CACNA2D1: variants seen among roughly 807,000 people sequenced by gnomAD.
The protein encoded by CACNA2D1 is voltage-dependent calcium channel subunit alpha-2/delta-1.
In CACNA2D1, 53 loss-of-function variants were observed where a neutral mutation model predicts 171.5. That is an observed-to-expected ratio of 0.31 (90% CI 0.25 to 0.39). The LOEUF is 0.39. Ranked by LOEUF, CACNA2D1 falls within the 10% of genes least tolerant of loss-of-function variation. The pLI is 1.00. For synonymous variants in CACNA2D1, 442 were observed against 443.1 expected, an observed-to-expected ratio of 1.00 and a Z score of 0.03; for missense variants, 903 against 1,299.8, an observed-to-expected ratio of 0.69 and a Z score of 4.69.
intron 10 of CACNA2D1, among the ~76,000 whole-genome samples, chr7:82,057,477 C>T (rs1806063157): frequency 1.3e-5 from 2 of 151,978 alleles, no homozygotes; most frequent in Admixed American, 1.3e-4. Context: ...TGCAGTGCTC[C>T]TATCAGGGTC....
At chr7:82,076,270 A>G (rs918205032) in intron 7 of CACNA2D1, among the ~76,000 whole-genome samples, 1 of 152,148 alleles carries the variant, frequency 6.6e-6, no homozygotes, top group South Asian at 2.1e-4. Context: ...GCATCCCCAC[A>G]CAACACAATT....
intron 7 of CACNA2D1, among the ~76,000 whole-genome samples, chr7:82,071,612 A>G (rs1808327682): frequency 6.6e-6 from 1 of 152,096 alleles, no homozygotes; most frequent in Non-Finnish European, 1.5e-5. Flanking sequence ...ATCTATGGGG[A>G]GGAGCTGAAT....
At position 81,950,279 on chromosome 7, in the gene CACNA2D1, C is replaced by T; in HGVS notation, c.*113G>A. 1 of 1,593,788 alleles carries T rather than the reference C, an allele frequency of 6.3e-7. No individual in the cohort carries two copies. The highest frequency in any genetic ancestry group is 1.1e-5 in the South Asian group (1 of 89,662). On this transcript the variant is annotated 3_prime_UTR_variant, in exon 39 of 39. Coordinates refer to ENST00000356860, the MANE Select transcript of CACNA2D1 (RefSeq NM_000722.4). ...CTTAGTGTTATGCCATGGAACAGGC[C>T]CAGCTAATGTTTGTCTGATTTTATA...
At chr7:82,322,606 G>A (rs1816132757) in intron 3 of CACNA2D1, among the ~76,000 whole-genome samples, 1 of 152,046 alleles carries the variant, frequency 6.6e-6, no homozygotes, top group Non-Finnish European at 1.5e-5. Flanking sequence ...GTGACAGAAT[G>A]ATACCCTGTC....
intron 3 of CACNA2D1, among the ~76,000 whole-genome samples, chr7:82,206,549 T>A (rs1800020495): frequency 6.6e-6 from 1 of 152,084 alleles, no homozygotes; most frequent in Admixed American, 6.6e-5. Flanking sequence ...TCAGATAAAA[T>A]ATTAAAAATA....
At chr7:82,371,439 T>C (rs958027449) in intron 1 of CACNA2D1, among the ~76,000 whole-genome samples, 1 of 152,146 alleles carries the variant, frequency 6.6e-6, no homozygotes, top group African/African-American at 2.4e-5. Flanking sequence ...ATATAGAAAA[T>C]GTTTAAGGCA....
At chr7:81,974,756 G>A (rs1562804439) in intron 24 of CACNA2D1, among the ~76,000 whole-genome samples, 1 of 139,718 alleles carries the variant, frequency 7.2e-6, no homozygotes, top group Non-Finnish European at 1.5e-5. Context: ...TGAATTAAAC[G>A]TTTGGCCTTT....
At chr7:82,142,163 T>G (rs1010439389) in intron 4 of CACNA2D1, among the ~76,000 whole-genome samples, 1 of 152,202 alleles carries the variant, frequency 6.6e-6, no homozygotes, top group African/African-American at 2.4e-5. Context: ...TTTTCATAAT[T>G]TAAGCGCCAC....
intron 6 of CACNA2D1, among the ~76,000 whole-genome samples, chr7:82,111,386 GTATATATGTATATATATAT>G (rs1788386731): frequency 7.9e-6 from 1 of 126,152 alleles, no homozygotes. Context: ...TCATATATGT[GTATATATGTATATATATAT>G]TCATATATGT....
At chr7:82,399,357 T>C (rs1465423920) in intron 1 of CACNA2D1, among the ~76,000 whole-genome samples, 1 of 151,812 alleles carries the variant, frequency 6.6e-6, no homozygotes, top group Non-Finnish European at 1.5e-5. Context: ...GGAGAATCAC[T>C]TGAACCCAGG....
At chr7:82,118,448 A>G (rs1789329768) in intron 5 of CACNA2D1, among the ~76,000 whole-genome samples, 1 of 152,168 alleles carries the variant, frequency 6.6e-6, no homozygotes, top group Non-Finnish European at 1.5e-5. Context: ...GGGTAGAAAC[A>G]GGTAGAGGGA....
At chr7:82,351,309 A>G (rs1819821283) in intron 1 of CACNA2D1, among the ~76,000 whole-genome samples, 1 of 151,632 alleles carries the variant, frequency 6.6e-6, no homozygotes, top group Admixed American at 6.6e-5. Context: ...ATAAATTTAA[A>G]TATAACAAAA....
At chr7:82,354,255 CTTG>C (rs1413514525) in intron 1 of CACNA2D1, among the ~76,000 whole-genome samples, 7 of 152,138 alleles carry the variant, frequency 4.6e-5, no homozygotes, top group Admixed American at 4.6e-4. Flanking sequence ...ATGCTTTTCT[CTTG>C]TTATCTATCT....
chr7:82,344,558 T>G (rs566009318), intron 2 of CACNA2D1, among the ~76,000 whole-genome samples: 1 of 152,260 alleles, frequency 6.6e-6, no homozygotes, highest in African/African-American at 2.4e-5. Flanking sequence ...TCTTTGAAAA[T>G]GAATGTAATT....
intron 7 of CACNA2D1, among the ~76,000 whole-genome samples, chr7:82,082,643 C>A (rs1406826733): frequency 6.6e-6 from 1 of 151,230 alleles, no homozygotes; most frequent in African/African-American, 2.4e-5. Flanking sequence ...TGAGGATTTA[C>A]CCAGGACTTA....
chr7:82,111,606 C>G (rs1052685427), intron 6 of CACNA2D1, among the ~76,000 whole-genome samples: 1 of 151,098 alleles, frequency 6.6e-6, no homozygotes, highest in Non-Finnish European at 1.5e-5. Context: ...TGCCAGCACC[C>G]AAGGCTGTTT....
At chr7:82,393,563 C>T (rs1465001829) in intron 1 of CACNA2D1, among the ~76,000 whole-genome samples, 1 of 152,140 alleles carries the variant, frequency 6.6e-6, no homozygotes, top group Non-Finnish European at 1.5e-5. Flanking sequence ...TCTCTGCATT[C>T]TTATATTTTA....
intron 1 of CACNA2D1, among the ~76,000 whole-genome samples, chr7:82,401,486 CAT>C (rs1462160034): frequency 6.8e-6 from 1 of 147,990 alleles, no homozygotes; most frequent in Non-Finnish European, 1.5e-5. Context: ...TATTCTCACT[CAT>C]AGGTGGGAAT....
At position 82,428,633 on chromosome 7, in the gene CACNA2D1, T is replaced by A. The variant is rs75528276; in HGVS notation, c.95+14732A>T. ...AGAAAAGATGAAAGAACTAACACTT[T>A]TCACCCTTTGCTCAATAAATTCAGT... On this transcript the variant is annotated intron_variant, in intron 1 of 38. Coordinates refer to ENST00000356860, the MANE Select transcript of CACNA2D1 (RefSeq NM_000722.4). 5.9e-3 allele frequency among the ~76,000 whole-genome samples: 894 copies of A among 152,272 alleles called. 10 individuals carry two copies. The highest frequency in any genetic ancestry group is 0.015 in the African/African-American group (625 of 41,548).
Sources: gnomAD v4.1 joint callset for allele counts (sites outside exome capture counted in the v4.1 genomes callset) on GRCh38, gnomAD v4.1.1 for gene constraint, MANE v1.5 for transcripts, NCBI Gene and HGNC (gene_info 2026-07-23, HGNC 2026-07-21) for gene names.